The following ZFYVE9 variants were observed in gnomAD, a reference collection of about 807,000 sequenced individuals.
ZFYVE9 encodes the protein zinc finger FYVE domain-containing protein 9.
Under a neutral mutation model 126.7 loss-of-function variants are expected in ZFYVE9, and 43 were observed. The observed-to-expected ratio is 0.34, with a 90% CI of 0.27 to 0.44. ZFYVE9 has a LOEUF of 0.44. Among genes scored for constraint, ZFYVE9 ranks in the 20% least tolerant of loss-of-function variants. The pLI is 1.00. For missense variants in ZFYVE9, 1,476 were observed against 1,697.0 expected, an observed-to-expected ratio of 0.87 and a Z score of 2.29; for synonymous variants, 521 against 597.4, an observed-to-expected ratio of 0.87 and a Z score of 1.87.
intron 8 of ZFYVE9, among the ~76,000 whole-genome samples, chr1:52,277,354 G>C (rs1198642218): frequency 6.6e-6 from 1 of 152,096 alleles, no homozygotes; most frequent in Non-Finnish European, 1.5e-5. Flanking sequence ...CAGATTGTTG[G>C]ATTCCATTTT....
intron 4 of ZFYVE9, among the ~76,000 whole-genome samples, chr1:52,253,361 A>G (rs955530411): frequency 3.3e-5 from 5 of 152,232 alleles, no homozygotes; most frequent in African/African-American, 9.6e-5. Context: ...TTAGTAAACA[A>G]TGGAGAAATA....
At chr1:52,345,660 G>A (rs1646476636) in intron 18 of ZFYVE9, 1 of 157,194 alleles carries the variant, frequency 6.4e-6, no homozygotes, top group South Asian at 2.0e-4. Flanking sequence ...TGCTCAGAAT[G>A]GTGCATGGAT....
intron 4 of ZFYVE9, among the ~76,000 whole-genome samples, chr1:52,251,866 C>G (rs770958753): frequency 1.3e-5 from 2 of 152,040 alleles, no homozygotes; most frequent in Non-Finnish European, 2.9e-5. Context: ...AGTCTCCCCA[C>G]TAGTTATAGG....
rs149346506 is a variant in ZFYVE9, at chr1:52,164,389, T to C, written c.-143+21986T>C. On this transcript the variant is annotated intron_variant, in intron 1 of 18. Coordinates refer to ENST00000287727, the MANE Select transcript of ZFYVE9 (RefSeq NM_004799.4). ...CCACCACGTCCAGCTAATTTTTGTATTTTTAGCAGAGATGGGCTTTTAACA... is the reference window on the plus strand; with the variant it reads ...CCACCACGTCCAGCTAATTTTTGTACTTTTAGCAGAGATGGGCTTTTAACA... 3.2e-3 allele frequency among the ~76,000 whole-genome samples: 485 copies of C among 152,132 alleles called. 2 individuals carry two copies. The highest frequency in any genetic ancestry group is 0.011 in the African/African-American group (465 of 41,516).
intron 13 of ZFYVE9, among the ~76,000 whole-genome samples, chr1:52,312,761 T>C (rs556744571): frequency 1.3e-5 from 2 of 152,224 alleles, no homozygotes; most frequent in African/African-American, 4.8e-5. Context: ...CGGTTCTCCC[T>C]GTTCAAATAT....
At chr1:52,286,275 A>G (rs1645858220) in intron 10 of ZFYVE9, among the ~76,000 whole-genome samples, 1 of 152,188 alleles carries the variant, frequency 6.6e-6, no homozygotes, top group South Asian at 2.1e-4. Flanking sequence ...ATACTGTATT[A>G]CTAGCTTAGG....
At chr1:52,337,994 G>T in intron 16 of ZFYVE9, 60 bp downstream of exon 16, 1 of 1,549,984 alleles carries the variant, frequency 6.5e-7, no homozygotes. Context: ...TCTGGGTTTT[G>T]TCTGCTGTCT....
intron 10 of ZFYVE9, among the ~76,000 whole-genome samples, chr1:52,283,644 A>G (rs558863565): frequency 6.6e-6 from 1 of 152,208 alleles, no homozygotes; most frequent in Admixed American, 6.5e-5. Flanking sequence ...ATGGTTTTCT[A>G]AAACAGGCAA....
chr1:52,210,424 A>G (rs1183723978), intron 1 of ZFYVE9, among the ~76,000 whole-genome samples: 2 of 152,074 alleles, frequency 1.3e-5, no homozygotes, highest in African/African-American at 4.8e-5. Flanking sequence ...TAAGAGACCC[A>G]AAGCTTGTTT....
intron 5 of ZFYVE9, among the ~76,000 whole-genome samples, chr1:52,265,237 T>G (rs1645622298): frequency 6.6e-6 from 1 of 152,182 alleles, no homozygotes; most frequent in South Asian, 2.1e-4. Context: ...TCTTAATATT[T>G]AATTTGATGC....
intron 13 of ZFYVE9, among the ~76,000 whole-genome samples, chr1:52,327,551 C>G (rs148249198): frequency 6.6e-6 from 1 of 151,120 alleles, no homozygotes; most frequent in African/African-American, 2.4e-5. Context: ...TGCAGTGAGC[C>G]GAGATGGTGC....
chr1:52,293,068 C>T (rs896680147), intron 10 of ZFYVE9, among the ~76,000 whole-genome samples: 2 of 151,992 alleles, frequency 1.3e-5, no homozygotes, highest in African/African-American at 2.4e-5. Context: ...CCCAGAGTTG[C>T]ATAATGTTTA....
At chr1:52,206,520 G>C (rs747577091) in intron 1 of ZFYVE9, among the ~76,000 whole-genome samples, 1 of 152,102 alleles carries the variant, frequency 6.6e-6, no homozygotes, top group Non-Finnish European at 1.5e-5. Context: ...AGGAGATAGA[G>C]GTTTCTGTTT....
chr1:52,194,006 G>A (rs1046747933), intron 1 of ZFYVE9, among the ~76,000 whole-genome samples: 3 of 152,088 alleles, frequency 2.0e-5, no homozygotes, highest in Admixed American at 6.6e-5. Context: ...CTTCTCGGGC[G>A]GCTGAGGCAC....
intron 2 of ZFYVE9, among the ~76,000 whole-genome samples, chr1:52,230,320 A>G (rs1439903964): frequency 1.3e-5 from 2 of 152,042 alleles, no homozygotes; most frequent in South Asian, 2.1e-4. Context: ...TGAACTTCCC[A>G]AGGCCCCACC....
chr1:52,254,026 A>G, intron 4 of ZFYVE9: 1 of 761,264 alleles, frequency 1.3e-6, no homozygotes, highest in Non-Finnish European at 2.4e-6. Context: ...TTGGACGTTA[A>G]TGATACAGAT....
At chr1:52,231,072 T>C (rs753174190) in intron 2 of ZFYVE9, among the ~76,000 whole-genome samples, 2 of 152,352 alleles carry the variant, frequency 1.3e-5, no homozygotes, top group Middle Eastern at 3.4e-3. Context: ...TGTAGGTGTA[T>C]ATTGAATGTG....
intron 1 of ZFYVE9, among the ~76,000 whole-genome samples, chr1:52,173,768 A>G (rs1250156956): frequency 1.3e-5 from 2 of 152,128 alleles, no homozygotes; most frequent in Non-Finnish European, 2.9e-5. Flanking sequence ...CATTTCTTCT[A>G]GATTTTCTAG....
Position 52,268,482 on chromosome 1 carries a change from G to C in ZFYVE9, c.2475G>C (p.Gln825His). 1 of 1,614,108 alleles carries C rather than the reference G, an allele frequency of 6.2e-7. No homozygotes were observed. The highest frequency in any genetic ancestry group is 8.5e-7 in the Non-Finnish European group (1 of 1,179,992). Residue 825 changes from glutamine (Q) to histidine (H), a missense_variant, in exon 7 of 19, where the codon CAG becomes CAC. Physicochemically the swap from Gln to His is conservative, Grantham distance 24 (BLOSUM62 0). Around this residue, in one of 2 missense-constraint regions of ZFYVE9, gnomAD observed 669 missense variants for 902.4 expected, o/e 0.74. Coordinates refer to ENST00000287727, the MANE Select transcript of ZFYVE9 (RefSeq NM_004799.4). ...CTCAAGTGGCTCAGCCCAGAGAGCA[G>C]AGGCGAGTTTGGTTTGCTGATGGGA... The part of the protein sequence containing the change: ...PGAEVAQPRE[Q>H]RRVWFADGIL...
Sources: allele counts gnomAD v4.1 joint callset (sites outside exome capture counted in the v4.1 genomes callset), GRCh38; gene constraint gnomAD v4.1.1; regional missense constraint gnomAD v4.1.1; transcripts MANE v1.5; gene names NCBI Gene and HGNC (gene_info 2026-07-23, HGNC 2026-07-21).